The following NOS1 variants were observed in gnomAD, a reference collection of about 807,000 sequenced individuals.
NOS1 encodes the protein NOS type I.
In NOS1, 51 loss-of-function variants were observed where a neutral mutation model predicts 164.5. The ratio of observed to expected loss-of-function variants is 0.31; its 90% CI spans 0.25 to 0.39. The LOEUF (loss-of-function observed/expected upper bound fraction) is 0.39, where lower values mean the gene tolerates loss of function less well. NOS1 is among the 10% of genes least tolerant of loss of function. NOS1 has a pLI of 1.00. For synonymous variants in NOS1, 719 were observed against 745.8 expected (o/e 0.96, Z 0.59); for missense variants, 1,362 against 1,885.6 (o/e 0.72, Z 5.14).
chr12:117,213,593 CA>C lies in NOS1; in HGVS notation c.*1715del. ...GGGCCCTTTGGGGTCTTGGTGCCCC[CA>C]CTGTAAAGCCCTTTCAAAGAGGGCC... On this transcript the variant is annotated 3_prime_UTR_variant, in exon 29 of 29. Transcript: ENST00000317775. 3.0e-6 allele frequency: 3 copies of C among 985,454 alleles called. No homozygotes were observed. The highest frequency in any genetic ancestry group is 3.6e-6 in the Non-Finnish European group (3 of 829,958). 61.0% of individuals were successfully genotyped at this position (985,454 alleles called of 1,614,324 possible).
rs763706465 is a variant in NOS1, at chr12:117,330,647, G to A, written c.423C>T (p.Ala141=). ...CCACTGCCAGGGGCTGTTCTTTGCC[G>A]GCCGGTGGCTGGTGGGACAGATCCA... is the stretch of plus-strand genomic sequence containing the variant. ...KAVDLSHQPP[A]GKEQPLAVDG... Residue 141 remains alanine, a synonymous_variant, in exon 2 of 29, where the codon GCC becomes GCT. Coordinates refer to ENST00000317775, the MANE Select transcript of NOS1 (RefSeq NM_000620.5). The surrounding 1 kb of genome is among the most constrained non-coding windows in gnomAD (Gnocchi z 4.6). 2.0e-5 allele frequency: 32 copies of A among 1,611,554 alleles called. No homozygotes were observed. Among genetic ancestry groups the A allele is most frequent in the Middle Eastern group, 1.6e-4 (1 of 6,072 alleles).
intron 3 of NOS1, among the ~76,000 whole-genome samples, chr12:117,295,851 A>C (rs1873382215): frequency 6.7e-6 from 1 of 149,970 alleles, no homozygotes; most frequent in Non-Finnish European, 1.5e-5. Context: ...CTGGTCTCGA[A>C]CTCCTGACCT....
chr12:117,250,362 CTT>C (rs1312341473), intron 17 of NOS1, among the ~76,000 whole-genome samples: 163 of 132,270 alleles, frequency 1.2e-3, no homozygotes, highest in African/African-American at 4.6e-3. Context: ...GAGTTTTGCT[CTT>C]GTCACCCAAG....
At position 117,211,411 on chromosome 12, in the gene NOS1, C is replaced by T. The variant is rs977394886; in HGVS notation, c.*3898G>A. ...AGCAATAACCCCCCCAACAGCTCAA[C>T]GGGCCATGCTCTGTACTGTGGCCAG... On this transcript the variant is annotated 3_prime_UTR_variant, in exon 29 of 29. Coordinates refer to ENST00000317775, the MANE Select transcript of NOS1 (RefSeq NM_000620.5). 13 of 985,398 alleles carry T rather than the reference C, an allele frequency of 1.3e-5. No individual in the cohort carries two copies. Among genetic ancestry groups the T allele is most frequent in the East Asian group, 1.1e-4 (1 of 8,828 alleles). The allele number at this position is 985,398 out of a possible 1,614,324, so 61.0% of individuals were successfully genotyped here.
At chr12:117,222,980 CA>C in intron 25 of NOS1, 117 bp from the exon 26 acceptor site, 6 of 1,191,328 alleles carry the variant, frequency 5.0e-6, no homozygotes, top group Non-Finnish European at 7.2e-6. Flanking sequence ...TAGAGGCTCA[CA>C]AACACTAGGA....
In NOS1 at chr12:117,330,448, C is replaced by T; in HGVS notation, c.622G>A (p.Glu208Lys). 6.2e-7 allele frequency: 1 copy of T among 1,614,228 alleles called. No homozygotes were observed. Among genetic ancestry groups the T allele is most frequent in the Non-Finnish European group, 8.5e-7 (1 of 1,180,044 alleles). ...AGAAGGCTCAGCACAGGCTCTATCTCCTTGAGCAGTTCATTGTTCTCCCCT... is the reference window on the plus strand; with the variant it reads ...AGAAGGCTCAGCACAGGCTCTATCTTCTTGAGCAGTTCATTGTTCTCCCCT... The part of the protein sequence containing the change: ...GRGENNELLK[E>K]IEPVLSLLTS... The change falls in exon 2 of 29, where the codon GAG becomes AAG. Residue 208 changes from glutamate to lysine, a missense_variant. Physicochemically the swap from Glu to Lys is moderately conservative, Grantham distance 56. Around this residue, in one of 4 missense-constraint regions of NOS1, gnomAD observed 362 missense variants for 402.0 expected, o/e 0.90. Transcript: ENST00000317775. This position sits in a 1 kb window ranked among gnomAD's most constrained non-coding sequence, Gnocchi z 4.6.
chr12:117,318,778 C>A (rs1052528380), intron 2 of NOS1, among the ~76,000 whole-genome samples: 4 of 152,202 alleles, frequency 2.6e-5, no homozygotes, highest in Non-Finnish European at 5.9e-5. Flanking sequence ...TTCCGGCCAA[C>A]CAGACAAGGA....
At chr12:117,228,973 G>A (rs1008479250) in intron 22 of NOS1, among the ~76,000 whole-genome samples, 6 of 152,118 alleles carry the variant, frequency 3.9e-5, no homozygotes, top group African/African-American at 7.2e-5. Flanking sequence ...AGTAGAGACA[G>A]GGTTTCACCG....
At chr12:117,290,486 C>T in intron 3 of NOS1, 60 bp from the exon 4 acceptor site, 1 of 1,551,684 alleles carries the variant, frequency 6.4e-7, no homozygotes, top group South Asian at 1.2e-5. Flanking sequence ...GTAACATTGT[C>T]TCCACAGAGG....
intron 1 of NOS1, among the ~76,000 whole-genome samples, chr12:117,338,727 T>C (rs1219007684): frequency 6.6e-6 from 1 of 152,158 alleles, no homozygotes; most frequent in Non-Finnish European, 1.5e-5. Context: ...ACCATTAAGG[T>C]GCAAGCAAGT....
intron 2 of NOS1, among the ~76,000 whole-genome samples, chr12:117,323,938 C>T (rs539852278): frequency 2.6e-5 from 4 of 152,088 alleles, no homozygotes; most frequent in Middle Eastern, 3.4e-3. Flanking sequence ...CGCACCACCA[C>T]GTCTGGCTAA....
intron 13 of NOS1, among the ~76,000 whole-genome samples, chr12:117,261,123 C>T (rs897945654): frequency 2.1e-5 from 3 of 144,256 alleles, no homozygotes; most frequent in Non-Finnish European, 3.0e-5. Context: ...GAGCCGAGAT[C>T]GCACCACTGG....
intron 7 of NOS1, 46 bp downstream of exon 7, chr12:117,285,195 G>A: frequency 7.5e-7 from 1 of 1,340,344 alleles, no homozygotes; most frequent in Non-Finnish European, 1.1e-6. Context: ...CAATGCTGTG[G>A]GGACTTTTGA....
In NOS1 at chr12:117,248,443, G is replaced by C. The variant is rs568599619; in HGVS notation, c.2649-921C>G. On this transcript the variant is annotated intron_variant, in intron 17 of 28. Coordinates refer to ENST00000317775, the MANE Select transcript of NOS1 (RefSeq NM_000620.5). ...TTCCCACCTATGAGTGAGAATATGC[G>C]GTGTTTGGTTTTTTGTTCTTGAGAT... Among the ~76,000 whole-genome samples the C allele has an allele frequency of 1.3e-5, 2 of 151,442 alleles. 1 individual carries two copies. The highest frequency in any genetic ancestry group is 4.2e-4 in the South Asian group (2 of 4,796).
chr12:117,267,726 T>C (rs1289999096), intron 11 of NOS1, among the ~76,000 whole-genome samples: 4 of 152,236 alleles, frequency 2.6e-5, no homozygotes, highest in East Asian at 1.9e-4. Flanking sequence ...GTCTCTGTTA[T>C]GTGATAGTCT....
rs1414656301 is a variant in NOS1 at position 117,213,475 on chromosome 12, T to C, written c.*1834A>G. 1 of 985,502 alleles carries C rather than the reference T, an allele frequency of 1.0e-6. No homozygotes were observed. 61.0% of individuals were successfully genotyped at this position (985,502 alleles called of 1,614,324 possible). ...ATAGCTGGCATGAAGTCAAGCTCCA[T>C]GTGGCAGGAACAGGACACCGGTGGG... On this transcript the variant is annotated 3_prime_UTR_variant, in exon 29 of 29. Coordinates refer to ENST00000317775, the MANE Select transcript of NOS1 (RefSeq NM_000620.5).
chr12:117,213,098 C>G lies in NOS1; in HGVS notation c.*2211G>C, dbSNP rs1195739919. The G allele has an allele frequency of 1.0e-6, 1 of 985,340 alleles. No homozygotes were observed. Among genetic ancestry groups the G allele is most frequent in the Non-Finnish European group, 1.2e-6 (1 of 829,944 alleles). 61.0% of individuals were successfully genotyped at this position (985,340 alleles called of 1,614,324 possible). A position where few individuals can be genotyped will look rare whatever the true frequency, so the allele number is the denominator to read the frequency against. On this transcript the variant is annotated 3_prime_UTR_variant, in exon 29 of 29. Coordinates refer to ENST00000317775, the MANE Select transcript of NOS1 (RefSeq NM_000620.5). Reference sequence around the variant, plus strand: ...GGCAGGCACATGCAGAAAGGAGGTGCCTGGCACCTTGTAAGCGCTTCTAAG... The same window carrying G: ...GGCAGGCACATGCAGAAAGGAGGTGGCTGGCACCTTGTAAGCGCTTCTAAG...
intron 1 of NOS1, among the ~76,000 whole-genome samples, chr12:117,360,425 A>G (rs780187296): frequency 1.3e-5 from 2 of 152,210 alleles, no homozygotes; most frequent in Non-Finnish European, 2.9e-5. Context: ...CGCTCCTTCC[A>G]CTGCCCAGCC....
In NOS1 at chr12:117,218,156, G is replaced by T; in HGVS notation, c.4179C>A (p.Asn1393Lys). The change falls in exon 28 of 29, where the codon AAC becomes AAA. Residue 1393 changes from asparagine to lysine, a missense_variant. Physicochemically the swap from Asn to Lys is moderately conservative, Grantham distance 94. Transcript: ENST00000317775. ...CTCCAAAAATATCCTCATGGTATCG[G>T]TTGTCATCCTAGAAGACAGAAACAG... ...GVFISRMRDD[N>K]RYHEDIFGVT... The T allele has an allele frequency of 6.2e-7, 1 of 1,613,342 alleles. No homozygotes were observed. Among genetic ancestry groups the T allele is most frequent in the Non-Finnish European group, 8.5e-7 (1 of 1,179,296 alleles).
Sources: gnomAD v4.1 joint callset for allele counts (sites outside exome capture counted in the v4.1 genomes callset) on GRCh38, gnomAD v4.1.1 for gene constraint, gnomAD v4.1.1 regional missense constraint, Gnocchi (gnomAD v3.1) non-coding constraint, MANE v1.5 for transcripts, NCBI Gene and HGNC (gene_info 2026-07-23, HGNC 2026-07-21) for gene names.